KRT76: variants seen among roughly 807,000 people sequenced by gnomAD.
KRT76 encodes the protein keratin 76.
Under a neutral mutation model 44.9 loss-of-function variants are expected in KRT76, and 47 were observed. That is an observed-to-expected ratio of 1.05 (90% CI 0.83 to 1.33). KRT76 has a LOEUF of 1.33. Among genes scored for constraint, KRT76 ranks in the 40% most tolerant of loss-of-function variants. The pLI, the probability that KRT76 is intolerant of heterozygous loss-of-function variation, is 0.00. For synonymous variants in KRT76, 331 were observed against 294.1 expected (o/e 1.13, Z -1.28); for missense variants, 860 against 775.8 (o/e 1.11, Z -1.29).
intron 1 of KRT76, among the ~76,000 whole-genome samples, chr12:52,776,162 C>T (rs1939258666): frequency 1.3e-5 from 2 of 152,176 alleles, no homozygotes; most frequent in African/African-American, 4.8e-5. Context: ...CACTTCAGAT[C>T]CTGGGCTCAG....
rs12296548 is a variant in KRT76 at position 52,772,165 on chromosome 12, C to G, written c.1066G>C (p.Glu356Gln). The G allele has an allele frequency of 6.2e-7, 1 of 1,613,550 alleles. No individual in the cohort carries two copies. Among genetic ancestry groups the G allele is most frequent in the Admixed American group, 1.7e-5 (1 of 59,998 alleles). Residue 356 changes from glutamate to glutamine, a missense_variant, in exon 5 of 9, where the codon GAG becomes CAG. By Grantham distance (29) the Glu-to-Gln change is conservative. Transcript: ENST00000332411. ...RCLDLGSIIA[E>Q]VRAQYEEIAQ... ...ATCTCCTCATACTGGGCGCGGACCT[C>G]GGCAATGATGCTGCCCAGGTCCAGG... is the stretch of plus-strand genomic sequence containing the variant.
rs755093620 is a variant in KRT76, at chr12:52,776,697, C to T, written c.595G>A (p.Asp199Asn). Residue 199 changes from aspartate (D) to asparagine (N), a missense_variant, in exon 1 of 9, where the codon GAC becomes AAC. Coordinates refer to ENST00000332411, the MANE Select transcript of KRT76 (RefSeq NM_015848.4). Reference protein sequence around the residue: ...TLNNKFASFIDKVRFLEQQNK... With the variant: ...TLNNKFASFINKVRFLEQQNK... ...CCTCTTGGCCTTGCCCTCACCTTGT[C>T]GATGAAGGAGGCAAACTTGTTGTTG... 3.1e-6 allele frequency: 5 copies of T among 1,613,992 alleles called. No homozygotes were observed. Among genetic ancestry groups the T allele is most frequent in the East Asian group, 2.2e-5 (1 of 44,882 alleles).
Position 52,769,088 on chromosome 12 carries a change from G to A in KRT76, c.1542C>T (p.Ser514=). The change falls in exon 9 of 9, where the codon AGC becomes AGT. Residue 514 remains serine, a synonymous_variant. Coordinates refer to ENST00000332411, the MANE Select transcript of KRT76 (RefSeq NM_015848.4). Reference sequence around the variant, plus strand: ...GGCTACTGCCAGAGCTGCCACTTGTGCTGGTGACATTGCTGACCACTGCTA... The same window carrying A: ...GGCTACTGCCAGAGCTGCCACTTGTACTGGTGACATTGCTGACCACTGCTA... ...VCISVVSNVT[S]TSGSSGSSRG... The A allele has an allele frequency of 1.4e-6, 1 of 714,676 alleles. No homozygotes were observed. Among genetic ancestry groups the A allele is most frequent in the Non-Finnish European group, 2.6e-6 (1 of 382,542 alleles). 44.3% of individuals were successfully genotyped at this position (714,676 alleles called of 1,614,324 possible). A position where few individuals can be genotyped will look rare whatever the true frequency, so the allele number is the denominator to read the frequency against.
chr12:52,771,162 T>G lies in KRT76; in HGVS notation c.1321A>C (p.Lys441Gln), dbSNP rs888920922. ...EAEQRGEMAL[K>Q]DANAKLQDLQ... The stretch of plus-strand genomic sequence containing the variant: ...TCTTGGAGCTTGGCATTGGCGTCCT[T>G]GAGGGCCATCTCTCCACGCTGCTCA... The change falls in exon 7 of 9, where the codon AAG becomes CAG. Residue 441 changes from lysine to glutamine, a missense_variant. Physicochemically the swap from Lys to Gln is moderately conservative, Grantham distance 53. Coordinates refer to ENST00000332411, the MANE Select transcript of KRT76 (RefSeq NM_015848.4). 3.1e-6 allele frequency: 5 copies of G among 1,614,074 alleles called. No individual in the cohort carries two copies. In the African/African-American group the frequency reaches 5.3e-5, roughly 17 times the overall value.
chr12:52,776,648 G>C, intron 1 of KRT76, 44 bp downstream of exon 1: 1 of 1,612,862 alleles, frequency 6.2e-7, no homozygotes, highest in Non-Finnish European at 8.5e-7. Flanking sequence ...ACCGACCCCT[G>C]GGCACCCCAA....
intron 6 of KRT76, 47 bp from the exon 7 acceptor site, chr12:52,771,266 G>C (rs1939177582): frequency 6.4e-7 from 1 of 1,562,510 alleles, no homozygotes; most frequent in African/African-American, 1.4e-5. Context: ...ACAAACACTT[G>C]ATCCTTACTA....
chr12:52,771,819 C>T (rs1409841185), intron 6 of KRT76, 52 bp downstream of exon 6: 1 of 1,580,380 alleles, frequency 6.3e-7, no homozygotes, highest in East Asian at 2.2e-5. Context: ...TATGCTGCTT[C>T]TCTCCGGGGC....
In KRT76 at chr12:52,770,228, T is replaced by C. The variant is rs554824539; in HGVS notation, c.1485-645A>G. ...TCCCTCCTCATCCCATGACTCCTAG[T>C]ACACTTGACATCACCTTCACTCTCA... On this transcript the variant is annotated intron_variant, in intron 7 of 8. Coordinates refer to ENST00000332411, the MANE Select transcript of KRT76 (RefSeq NM_015848.4). 8.1e-4 allele frequency among the ~76,000 whole-genome samples: 123 copies of C among 152,314 alleles called. 1 individual carries two copies. Among genetic ancestry groups the C allele is most frequent in the African/African-American group, 2.8e-3 (117 of 41,564 alleles).
chr12:52,772,838 G>C lies in KRT76; in HGVS notation c.917C>G (p.Ala306Gly), dbSNP rs1309825841. ...TTCATCTGTCAGGCTGTCCACTTTGGCCTGCAGCTCCACCTTGTTCATGAA... is the reference window on the plus strand; with the variant it reads ...TTCATCTGTCAGGCTGTCCACTTTGCCCTGCAGCTCCACCTTGTTCATGAA... ...AAFMNKVELQ[A>G]KVDSLTDEVS... Residue 306 changes from alanine (A) to glycine (G), a missense_variant, in exon 4 of 9, where the codon GCC becomes GGC. By Grantham distance (60) the Ala-to-Gly change is moderately conservative. Coordinates refer to ENST00000332411, the MANE Select transcript of KRT76 (RefSeq NM_015848.4). 6.2e-7 allele frequency: 1 copy of C among 1,614,126 alleles called. No individual in the cohort carries two copies. The highest frequency in any genetic ancestry group is 1.3e-5 in the African/African-American group (1 of 75,026).
At chr12:52,774,645 G>A (rs903838662) in intron 2 of KRT76, among the ~76,000 whole-genome samples, 1 of 152,104 alleles carries the variant, frequency 6.6e-6, no homozygotes, top group African/African-American at 2.4e-5. Context: ...ATCTCTTTTG[G>A]GAATATGAAT....
Position 52,768,206 on chromosome 12 carries a change from A to G in KRT76, c.*507T>C, listed in dbSNP as rs1448371362. ...AAGAAAGTGCAACATACTCATCACCAGAGGATCTACAGCTCAGGGAATTAG... is the reference window on the plus strand; with the variant it reads ...AAGAAAGTGCAACATACTCATCACCGGAGGATCTACAGCTCAGGGAATTAG... On this transcript the variant is annotated 3_prime_UTR_variant, in exon 9 of 9. Coordinates refer to ENST00000332411, the MANE Select transcript of KRT76 (RefSeq NM_015848.4). The G allele has an allele frequency of 6.5e-6, 1 of 154,638 alleles. No individual in the cohort carries two copies. Among genetic ancestry groups the G allele is most frequent in the Non-Finnish European group, 1.4e-5 (1 of 69,512 alleles). The allele number at this position is 154,638 out of a possible 1,614,324, so 9.6% of individuals were successfully genotyped here.
intron 2 of KRT76, among the ~76,000 whole-genome samples, chr12:52,774,469 A>G (rs1939230666): frequency 6.6e-6 from 1 of 152,234 alleles, no homozygotes; most frequent in South Asian, 2.1e-4. Flanking sequence ...AAGAATTCAT[A>G]CCTTCTGAAT....
chr12:52,768,912 C>T lies in KRT76; in HGVS notation c.1718G>A (p.Ser573Asn), dbSNP rs369765701. The T allele has an allele frequency of 3.5e-5, 55 of 1,594,014 alleles. No individual in the cohort carries two copies. The highest frequency in any genetic ancestry group is 4.4e-5 in the Non-Finnish European group (51 of 1,164,130). ...SSGSTGGRGSSGSYQSSSSGS... is the reference protein window; with the variant it reads ...SSGSTGGRGSNGSYQSSSSGS... ...ACTACTGCTGCTCTGGTAGCTCCCGCTGCTACCCCTGCCCCCAGTGCTGCC... is the reference window on the plus strand; with the variant it reads ...ACTACTGCTGCTCTGGTAGCTCCCGTTGCTACCCCTGCCCCCAGTGCTGCC... Residue 573 changes from serine to asparagine, a missense_variant, in exon 9 of 9, where the codon AGC (serine) becomes AAC (asparagine). By Grantham distance (46) the Ser-to-Asn change is conservative (BLOSUM62 1). Transcript: ENST00000332411.
At position 52,772,809 on chromosome 12, in the gene KRT76, T is replaced by C; in HGVS notation, c.946A>G (p.Ser316Gly). 6.2e-7 allele frequency: 1 copy of C among 1,613,968 alleles called. No homozygotes were observed. Among genetic ancestry groups the C allele is most frequent in the East Asian group, 2.2e-5 (1 of 44,884 alleles). ...AKVDSLTDEV[S>G]FLRTLYEMEL... ...ATCTCATAGAGGGTCCTCAGGAAGC[T>C]GACTTCATCTGTCAGGCTGTCCACT... is the stretch of plus-strand genomic sequence containing the variant. The change falls in exon 4 of 9, where the codon AGC becomes GGC. Residue 316 changes from serine (S) to glycine (G), a missense_variant. Coordinates refer to ENST00000332411, the MANE Select transcript of KRT76 (RefSeq NM_015848.4).
chr12:52,770,931 C>G (rs1332973846), intron 7 of KRT76, 68 bp downstream of exon 7: 1 of 1,597,954 alleles, frequency 6.3e-7, no homozygotes, highest in Non-Finnish European at 8.6e-7. Context: ...TCATCTTGCC[C>G]CCTTTCCACA....
chr12:52,770,041 A>T (rs2121184768), intron 7 of KRT76, among the ~76,000 whole-genome samples: 1 of 152,208 alleles, frequency 6.6e-6, no homozygotes, highest in Non-Finnish European at 1.5e-5. Flanking sequence ...AAAATATGGG[A>T]GGGGCTGAAA....
intron 1 of KRT76, 70 bp downstream of exon 1, chr12:52,776,622 C>T (rs1397728296): frequency 6.2e-7 from 1 of 1,610,956 alleles, no homozygotes; most frequent in Non-Finnish European, 8.5e-7. Context: ...CACAAGTCCC[C>T]ATGGCATCTT....
Position 52,768,428 on chromosome 12 carries a change from G to T in KRT76, c.*285C>A, listed in dbSNP as rs1474785354. 2 of 385,896 alleles carry T rather than the reference G, an allele frequency of 5.2e-6. No homozygotes were observed. The highest frequency in any genetic ancestry group is 9.5e-6 in the Non-Finnish European group (2 of 211,510). 23.9% of individuals were successfully genotyped at this position (385,896 alleles called of 1,614,324 possible). On this transcript the variant is annotated 3_prime_UTR_variant, in exon 9 of 9. Coordinates refer to ENST00000332411, the MANE Select transcript of KRT76 (RefSeq NM_015848.4). ...GATGGGCCAGAGTGGGAACAGGCCA[G>T]GCTGTGAAGGCCAAAACTGGCTTGG...
chr12:52,775,932 G>C (rs750495937), intron 1 of KRT76, among the ~76,000 whole-genome samples: 1 of 152,100 alleles, frequency 6.6e-6, no homozygotes, highest in Non-Finnish European at 1.5e-5. Context: ...GAGTGACAAA[G>C]CTAAGAATCA....
Sources: allele counts gnomAD v4.1 joint callset (sites outside exome capture counted in the v4.1 genomes callset), GRCh38; gene constraint gnomAD v4.1.1; transcripts MANE v1.5; gene names NCBI Gene and HGNC (gene_info 2026-07-23, HGNC 2026-07-21).